Variants in EPB41L4A observed in about 807,000 individuals in gnomAD.
The protein encoded by EPB41L4A is band 4.1-like protein 4A.
EPB41L4A carries 100 observed loss-of-function variants against 108.6 expected under a neutral mutation model. The observed-to-expected ratio is 0.92, with a 90% CI of 0.78 to 1.09. The LOEUF is 1.09. Among genes scored for constraint, EPB41L4A ranks in the 50% least tolerant of loss-of-function variants. The probability of loss-of-function intolerance (pLI) is 0.00; values close to 1 mark genes in which losing one functional copy is unlikely to be tolerated. For missense variants in EPB41L4A, 1,030 were observed against 842.7 expected (o/e 1.22, Z -2.75); for synonymous variants, 319 against 289.0 (o/e 1.10, Z -1.05).
intron 1 of EPB41L4A, among the ~76,000 whole-genome samples, chr5:112,336,158 G>C (rs574314072): frequency 1.3e-5 from 2 of 152,322 alleles, no homozygotes; most frequent in South Asian, 2.1e-4. Context: ...AGGAGTATGA[G>C]AAAGCAGTCA....
intron 1 of EPB41L4A, among the ~76,000 whole-genome samples, chr5:112,324,098 G>A (rs1206371147): frequency 2.6e-5 from 4 of 152,170 alleles, no homozygotes; most frequent in Non-Finnish European, 4.4e-5. Context: ...AAGATCAAGA[G>A]AGAGAAAAGT....
At position 112,221,611 on chromosome 5, in the gene EPB41L4A, G is replaced by A. The variant is rs1748053472; in HGVS notation, c.1088-11629C>T. On this transcript the variant is annotated intron_variant, in intron 12 of 22. Coordinates refer to ENST00000261486, the MANE Select transcript of EPB41L4A (RefSeq NM_022140.5). The stretch of plus-strand genomic sequence containing the variant: ...TAAGTGCTAAATAACTGACGGCTGT[G>A]TTATTTGTATATGACTTAGTTCCTA... 2.0e-5 allele frequency among the ~76,000 whole-genome samples: 3 copies of A among 152,158 alleles called. No individual in the cohort carries two copies. In the South Asian group the frequency reaches 6.2e-4, roughly 31 times the overall value.
Position 112,374,382 on chromosome 5 carries a change from A to G in EPB41L4A, c.99+44559T>C, listed in dbSNP as rs538907001. Among the ~76,000 whole-genome samples the G allele has an allele frequency of 1.5e-4, 23 of 152,368 alleles. No individual in the cohort carries two copies. In the East Asian group the frequency reaches 4.2e-3, roughly 28 times the overall value. The stretch of plus-strand genomic sequence containing the variant: ...TAGATCAAAAAGAAGAGCAAAAAGC[A>G]GCATTATAAGAAATATCTATAGTCA... On this transcript the variant is annotated intron_variant, in intron 1 of 22. Transcript: ENST00000261486.
At chr5:112,187,360 G>T (rs1013281519) in intron 17 of EPB41L4A, among the ~76,000 whole-genome samples, 1 of 152,118 alleles carries the variant, frequency 6.6e-6, no homozygotes, top group Non-Finnish European at 1.5e-5. Context: ...TCATAACAAG[G>T]TTTTTGTTTT....
In EPB41L4A at chr5:112,266,438, A is replaced by G. The variant is rs1580566428; in HGVS notation, c.336-108T>C. ...CAACCAATCACCTTCAATTAAAATA[A>G]AGTCACCCCCCATTCTTGTGTGAGG... On this transcript the variant is annotated intron_variant, in intron 4 of 22. Transcript: ENST00000261486. 5.7e-6 allele frequency: 4 copies of G among 700,956 alleles called. No homozygotes were observed. In the East Asian group the frequency reaches 1.1e-4, roughly 20 times the overall value. 43.4% of individuals were successfully genotyped at this position (700,956 alleles called of 1,614,324 possible). A position where few individuals can be genotyped will look rare whatever the true frequency, so the allele number is the denominator to read the frequency against.
intron 1 of EPB41L4A, among the ~76,000 whole-genome samples, chr5:112,338,588 A>G (rs1460141423): frequency 7.1e-6 from 1 of 140,646 alleles, no homozygotes; most frequent in Non-Finnish European, 1.5e-5. Context: ...CAGCGTATAT[A>G]AAAAAGAACA....
At position 112,211,789 on chromosome 5, in the gene EPB41L4A, A is replaced by G. The variant is rs142856995; in HGVS notation, c.1088-1807T>C. Among the ~76,000 whole-genome samples the G allele has an allele frequency of 2.5e-3, 374 of 152,286 alleles. 3 individuals are homozygous for G. Among genetic ancestry groups the G allele is most frequent in the African/African-American group, 8.9e-3 (369 of 41,558 alleles). ...AATAAATACACTTTAGACAGAGAAA[A>G]CAAAGGGTGGTTTCAGATAAGAGTT... On this transcript the variant is annotated intron_variant, in intron 12 of 22. Transcript: ENST00000261486.
chr5:112,383,749 G>A (rs1435535508), intron 1 of EPB41L4A, among the ~76,000 whole-genome samples: 6 of 151,484 alleles, frequency 4.0e-5, no homozygotes, highest in African/African-American at 1.5e-4. Flanking sequence ...GGGGGTGGGG[G>A]AAAAGCTGAA....
chr5:112,315,435 G>A (rs1185329622), intron 1 of EPB41L4A, among the ~76,000 whole-genome samples: 1 of 152,082 alleles, frequency 6.6e-6, no homozygotes, highest in African/African-American at 2.4e-5. Flanking sequence ...AATACCAAGG[G>A]CCAATAACAT....
At chr5:112,354,646 T>A (rs921724102) in intron 1 of EPB41L4A, among the ~76,000 whole-genome samples, 7 of 152,210 alleles carry the variant, frequency 4.6e-5, no homozygotes, top group Non-Finnish European at 1.0e-4. Flanking sequence ...CCATGCCATC[T>A]AGCTCCCCAT....
intron 18 of EPB41L4A, among the ~76,000 whole-genome samples, chr5:112,179,808 A>C (rs989941592): frequency 1.3e-5 from 2 of 152,170 alleles, no homozygotes; most frequent in Non-Finnish European, 2.9e-5. Flanking sequence ...ACTGTACTAC[A>C]TGATCTAGCC....
At chr5:112,237,198 T>TTTCAGATTATTGGTCCCTGG in intron 11 of EPB41L4A, among the ~76,000 whole-genome samples, 1 of 152,342 alleles carries the variant, frequency 6.6e-6, no homozygotes, top group East Asian at 1.9e-4. Flanking sequence ...AAGATTTCTA[T>TTTCAGATTATTGGTCCCTGG]TTCAGATTAT....
chr5:112,254,349 C>G (rs1012157968), intron 9 of EPB41L4A, among the ~76,000 whole-genome samples: 11 of 152,270 alleles, frequency 7.2e-5, no homozygotes, highest in Non-Finnish European at 1.5e-4. Flanking sequence ...GACTTCTTTC[C>G]GTCTTTGCAG....
chr5:112,240,657 T>C lies in EPB41L4A; in HGVS notation c.887+62A>G, dbSNP rs1490543676. On this transcript the variant is annotated intron_variant, in intron 10 of 22. Transcript: ENST00000261486. ...TTTCTGTTTTAGACAGAATTCTTTTTATAAAAATAAATGCCATTTTCATTT... is the reference window on the plus strand; with the variant it reads ...TTTCTGTTTTAGACAGAATTCTTTTCATAAAAATAAATGCCATTTTCATTT... 6.4e-6 allele frequency: 6 copies of C among 934,716 alleles called. No homozygotes were observed. In the African/African-American group the frequency reaches 1.0e-4, roughly 16 times the overall value. The allele number at this position is 934,716 out of a possible 1,614,324, so 57.9% of individuals were successfully genotyped here.
At chr5:112,238,359 T>C (rs959865292) in intron 11 of EPB41L4A, among the ~76,000 whole-genome samples, 1 of 152,246 alleles carries the variant, frequency 6.6e-6, no homozygotes, top group Non-Finnish European at 1.5e-5. Context: ...AATACCTTCA[T>C]GTAAATTCCA....
intron 17 of EPB41L4A, among the ~76,000 whole-genome samples, chr5:112,192,445 A>C (rs1001955958): frequency 6.6e-6 from 1 of 152,242 alleles, no homozygotes; most frequent in Non-Finnish European, 1.5e-5. Flanking sequence ...TATACGTAGC[A>C]TAAATGATTG....
chr5:112,361,490 C>G (rs1277151983), intron 1 of EPB41L4A, among the ~76,000 whole-genome samples: 1 of 150,256 alleles, frequency 6.7e-6, no homozygotes, highest in Non-Finnish European at 1.5e-5. Flanking sequence ...ATCCCCCTCT[C>G]CGAGAAACAC....
intron 12 of EPB41L4A, among the ~76,000 whole-genome samples, chr5:112,217,715 T>G (rs1224375616): frequency 6.6e-6 from 1 of 152,096 alleles, no homozygotes; most frequent in African/African-American, 2.4e-5. Context: ...CAAAAAATGT[T>G]TCTGCCTTCT....
chr5:112,220,920 TTAGAATA>T (rs965225401), intron 12 of EPB41L4A, among the ~76,000 whole-genome samples: 5 of 152,202 alleles, frequency 3.3e-5, no homozygotes, highest in African/African-American at 1.2e-4. Context: ...GTTATTACCA[TTAGAATA>T]TACCCTTTTG....
Sources: allele counts gnomAD v4.1 joint callset (sites outside exome capture counted in the v4.1 genomes callset), GRCh38; gene constraint gnomAD v4.1.1; transcripts MANE v1.5; gene names NCBI Gene and HGNC (gene_info 2026-07-23, HGNC 2026-07-21).